SLC39A10: variants seen among roughly 807,000 people sequenced by gnomAD.
SLC39A10 encodes the protein solute carrier family 39 member 10.
A neutral mutation model predicts 65.1 loss-of-function variants in SLC39A10; 13 were observed. The observed-to-expected ratio is 0.20, with a 90% CI of 0.13 to 0.32. The LOEUF (loss-of-function observed/expected upper bound fraction) is 0.32. SLC39A10 is among the 10% of genes least tolerant of loss of function. The pLI is 1.00. For synonymous variants in SLC39A10, 321 were observed against 342.2 expected, an observed-to-expected ratio of 0.94 and a Z score of 0.68; for missense variants, 831 against 1,018.4, an observed-to-expected ratio of 0.82 and a Z score of 2.50.
intron 2 of SLC39A10, among the ~76,000 whole-genome samples, chr2:195,639,325 T>G (rs990556144): frequency 6.6e-6 from 1 of 152,206 alleles, no homozygotes; most frequent in African/African-American, 2.4e-5. Flanking sequence ...ATGATCAGAC[T>G]GGGGTTAAGA....
chr2:195,653,044 G>A (rs187860824), upstream of SLC39A10, among the ~76,000 whole-genome samples: 1 of 151,720 alleles, frequency 6.6e-6, no homozygotes, highest in Admixed American at 6.6e-5. Context: ...TGGAAAAATT[G>A]TCTTCCAGGA....
intron 7 of SLC39A10, among the ~76,000 whole-genome samples, chr2:195,717,893 A>AATGTGAGAGAGCAAGTAC: frequency 6.6e-6 from 1 of 152,214 alleles, no homozygotes; most frequent in Non-Finnish European, 1.5e-5. Flanking sequence ...TATAAAGATC[A>AATGTGAGAGAGCAAGTAC]ATGTGAGAGA....
Position 195,728,698 on chromosome 2 carries a change from A to C in SLC39A10, c.2337+349A>C, listed in dbSNP as rs1324741004. Among the ~76,000 whole-genome samples, 4 of 152,190 alleles carry C rather than the reference A, an allele frequency of 2.6e-5. No individual in the cohort carries two copies. The highest frequency in any genetic ancestry group is 5.9e-5 in the Non-Finnish European group (4 of 68,040). On this transcript the variant is annotated intron_variant, in intron 9 of 9. Transcript: ENST00000359634. The surrounding 1 kb of genome is among the most constrained non-coding windows in gnomAD (Gnocchi z 4.4). ...GTTTGTTTTATGGCAAACAGGAGAG[A>C]AATACTATTCCTGTTAGGTAAGCCA...
intron 3 of SLC39A10, among the ~76,000 whole-genome samples, chr2:195,688,771 A>G (rs1690618136): frequency 6.6e-6 from 1 of 152,202 alleles, no homozygotes; most frequent in Admixed American, 6.5e-5. Context: ...GTTACATGCA[A>G]AATAAATAAT....
intron 8 of SLC39A10, among the ~76,000 whole-genome samples, chr2:195,721,463 CT>C (rs1177440137): frequency 6.6e-6 from 1 of 152,034 alleles, no homozygotes; most frequent in Non-Finnish European, 1.5e-5. Flanking sequence ...AACTTTATTA[CT>C]GTCTTTTACC....
chr2:195,698,385 C>T (rs773835615), intron 3 of SLC39A10, among the ~76,000 whole-genome samples: 2 of 152,052 alleles, frequency 1.3e-5, no homozygotes, highest in Non-Finnish European at 2.9e-5. Context: ...AAGCAAGCAT[C>T]CTTGTTTTGT....
intron 9 of SLC39A10, among the ~76,000 whole-genome samples, chr2:195,730,899 TG>T (rs1436719337): frequency 2.6e-5 from 4 of 152,236 alleles, no homozygotes; most frequent in African/African-American, 7.2e-5. Context: ...CTCAACTTTT[TG>T]CCCTCCCACA....
intron 2 of SLC39A10, among the ~76,000 whole-genome samples, chr2:195,625,519 C>T (rs953761452): frequency 1.3e-5 from 2 of 151,814 alleles, no homozygotes; most frequent in East Asian, 2.0e-4. Flanking sequence ...TCAGGTGATC[C>T]GCCCGCCTCG....
chr2:195,732,534 T>A (rs1692462131), intron 9 of SLC39A10, among the ~76,000 whole-genome samples: 1 of 152,248 alleles, frequency 6.6e-6, no homozygotes, highest in Admixed American at 6.5e-5. Context: ...AAAGCCATAG[T>A]TCCTATTCTA....
intron 1 of SLC39A10, among the ~76,000 whole-genome samples, chr2:195,667,600 CATA>C (rs1477306473): frequency 6.6e-6 from 1 of 152,194 alleles, no homozygotes; most frequent in Non-Finnish European, 1.5e-5. Flanking sequence ...GTGAAAGATA[CATA>C]ATACTACATC....
chr2:195,652,486 T>C (rs563653222), upstream of SLC39A10, among the ~76,000 whole-genome samples: 3 of 149,772 alleles, frequency 2.0e-5, no homozygotes, highest in South Asian at 4.3e-4. Flanking sequence ...GAGGCAGAGG[T>C]TGCAGTGAGC....
chr2:195,635,058 C>A (rs945571732), intron 2 of SLC39A10, among the ~76,000 whole-genome samples: 3 of 151,906 alleles, frequency 2.0e-5, no homozygotes, highest in African/African-American at 4.8e-5. Flanking sequence ...CCAAAAAAAA[C>A]AAAACAAAAC....
chr2:195,714,372 T>C (rs1365796970), intron 6 of SLC39A10, among the ~76,000 whole-genome samples: 4 of 152,240 alleles, frequency 2.6e-5, no homozygotes, highest in Non-Finnish European at 5.9e-5. Context: ...CTCATGGGAA[T>C]AATCTTAGAT....
chr2:195,706,875 C>G, intron 4 of SLC39A10, 90 bp downstream of exon 4: 1 of 868,572 alleles, frequency 1.2e-6, no homozygotes, highest in Non-Finnish European at 1.6e-6. Flanking sequence ...GCACAGTAAT[C>G]TAGTATTTGT....
chr2:195,621,931 AC>A (rs1287951452), intron 2 of SLC39A10, among the ~76,000 whole-genome samples: 2 of 152,212 alleles, frequency 1.3e-5, no homozygotes, highest in African/African-American at 4.8e-5. Context: ...GATTAAAAAA[AC>A]AAAAACAAAC....
chr2:195,628,941 C>T (rs1180920912), intron 2 of SLC39A10, among the ~76,000 whole-genome samples: 1 of 152,242 alleles, frequency 6.6e-6, no homozygotes, highest in African/African-American at 2.4e-5. Context: ...GGCATCTCCA[C>T]TGATGTCTCT....
intron 1 of SLC39A10, among the ~76,000 whole-genome samples, chr2:195,669,567 G>C (rs1416951861): frequency 1.3e-5 from 2 of 152,140 alleles, no homozygotes; most frequent in African/African-American, 2.4e-5. Context: ...AATATCTGTA[G>C]GAAGATTTGT....
upstream of SLC39A10, among the ~76,000 whole-genome samples, chr2:195,653,745 A>C (rs963967817): frequency 6.6e-6 from 1 of 152,194 alleles, no homozygotes. Context: ...TTAAAATTTT[A>C]TTTTTGGTTC....
intron 8 of SLC39A10, among the ~76,000 whole-genome samples, chr2:195,722,937 T>A (rs2105837130): frequency 6.6e-6 from 1 of 152,332 alleles, no homozygotes; most frequent in East Asian, 1.9e-4. Context: ...AACAGATTGC[T>A]GTTTTTCCCG....
Sources: gnomAD v4.1 joint callset for allele counts (sites outside exome capture counted in the v4.1 genomes callset) on GRCh38, gnomAD v4.1.1 for gene constraint, Gnocchi (gnomAD v3.1) non-coding constraint, MANE v1.5 for transcripts, NCBI Gene and HGNC (gene_info 2026-07-23, HGNC 2026-07-21) for gene names.